The following GLIPR2 variants were observed in gnomAD, a reference collection of about 807,000 sequenced individuals.
GLIPR2 encodes the protein Golgi-associated plant pathogenesis-related protein 1.
GLIPR2 carries 21 observed loss-of-function variants against 20.4 expected under a neutral mutation model. The ratio of observed to expected loss-of-function variants is 1.03; its 90% CI spans 0.73 to 1.48. The LOEUF (loss-of-function observed/expected upper bound fraction) is 1.48. Among genes scored for constraint, GLIPR2 ranks in the 40% most tolerant of loss-of-function variants. The probability of loss-of-function intolerance (pLI) is 0.00; values close to 1 mark genes in which losing one functional copy is unlikely to be tolerated. For missense variants in GLIPR2, 205 were observed against 200.1 expected (o/e 1.02, Z -0.15); for synonymous variants, 91 against 80.5 (o/e 1.13, Z -0.70).
chr9:36,162,434 C>A lies in GLIPR2; in HGVS notation c.377C>A (p.Ser126Tyr), dbSNP rs1469179381. The change falls in exon 5 of 5, where the codon TCC (serine) becomes TAC (tyrosine). Residue 126 changes from serine to tyrosine, a missense_variant. Coordinates refer to ENST00000377960, the MANE Select transcript of GLIPR2 (RefSeq NM_022343.4). ...GGGAAGGCGTCCGCAAGTGACGGGT[C>A]CTCCTTTGTGGTGGCCAGATACTTC... ...GVGKASASDG[S>Y]SFVVARYFPA... is the part of the protein sequence containing the mutation. 2 of 1,614,074 alleles carry A rather than the reference C, an allele frequency of 1.2e-6. No individual in the cohort carries two copies. The highest frequency in any genetic ancestry group is 1.7e-6 in the Non-Finnish European group (2 of 1,179,978).
At chr9:36,156,406 A>T (rs1393243384) in intron 4 of GLIPR2, among the ~76,000 whole-genome samples, 2 of 142,110 alleles carry the variant, frequency 1.4e-5, no homozygotes, top group Non-Finnish European at 3.2e-5. Flanking sequence ...AAAAAAAAAA[A>T]AAAAAAGAAA....
chr9:36,161,158 G>A (rs780242491), intron 4 of GLIPR2, among the ~76,000 whole-genome samples: 53 of 152,188 alleles, frequency 3.5e-4, no homozygotes, highest in Non-Finnish European at 5.6e-4. Flanking sequence ...TGGGACCAAG[G>A]GTTTGGGAGT....
At chr9:36,147,463 G>A (rs1487348862) in intron 1 of GLIPR2, among the ~76,000 whole-genome samples, 1 of 152,248 alleles carries the variant, frequency 6.6e-6, no homozygotes, top group Non-Finnish European at 1.5e-5. Flanking sequence ...CAAGGTCTTT[G>A]AGAAACACAT....
chr9:36,147,928 C>T, intron 2 of GLIPR2, 34 bp downstream of exon 2: 1 of 954,520 alleles, frequency 1.0e-6, no homozygotes, highest in Non-Finnish European at 1.7e-6. Context: ...TAACTTGGCC[C>T]TTCATGTGCT....
chr9:36,148,964 A>G (rs1825463424), intron 3 of GLIPR2, among the ~76,000 whole-genome samples: 1 of 152,144 alleles, frequency 6.6e-6, no homozygotes, highest in African/African-American at 2.4e-5. Flanking sequence ...TTTGTACAGA[A>G]TCTCAGCCTG....
At chr9:36,150,664 C>T (rs542160852) in intron 3 of GLIPR2, among the ~76,000 whole-genome samples, 10 of 152,274 alleles carry the variant, frequency 6.6e-5, no homozygotes, top group African/African-American at 2.4e-4. Flanking sequence ...TCCCAGCCCC[C>T]CAGAAGGCCC....
At chr9:36,146,232 G>A (rs940469258) in intron 1 of GLIPR2, 2 of 152,276 alleles carry the variant, frequency 1.3e-5, no homozygotes, top group African/African-American at 4.8e-5. Context: ...ACTCAAGACG[G>A]GGAGAAGATC....
chr9:36,151,140 C>A, intron 4 of GLIPR2, 191 bp downstream of exon 4: 1 of 597,214 alleles, frequency 1.7e-6, no homozygotes, highest in Non-Finnish European at 3.0e-6. Context: ...CCAGCTTCCC[C>A]ATGCTACATG....
intron 1 of GLIPR2, among the ~76,000 whole-genome samples, chr9:36,140,244 C>T (rs1825014503): frequency 6.6e-6 from 1 of 152,176 alleles, no homozygotes; most frequent in Admixed American, 6.5e-5. Flanking sequence ...ATTAGTGTCC[C>T]TCCATCCACC....
intron 4 of GLIPR2, among the ~76,000 whole-genome samples, chr9:36,152,084 A>G (rs1012899794): frequency 1.3e-5 from 2 of 152,116 alleles, no homozygotes; most frequent in Admixed American, 6.5e-5. Flanking sequence ...TTCTGCAACC[A>G]TGTTGCATTG....
Position 36,136,949 on chromosome 9 carries a change from G to A in GLIPR2, c.13+158G>A. 1.2e-6 allele frequency: 1 copy of A among 864,758 alleles called. No homozygotes were observed. The highest frequency in any genetic ancestry group is 1.5e-6 in the Non-Finnish European group (1 of 653,828). 53.6% of individuals were successfully genotyped at this position (864,758 alleles called of 1,614,324 possible). ...GCGGAGCGCCCCGGCGCGGTTTCCG[G>A]GGAACCCGGGGGGAAGGCGAGCCCG... is the stretch of plus-strand genomic sequence containing the variant. On this transcript the variant is annotated intron_variant, in intron 1 of 4. Transcript: ENST00000377960. The surrounding 1 kb of genome is among the most constrained non-coding windows in gnomAD (Gnocchi z 4.3).
At chr9:36,150,826 G>A (rs1330038346) in intron 3 of GLIPR2, 46 bp from the exon 4 acceptor site, 3 of 1,401,480 alleles carry the variant, frequency 2.1e-6, no homozygotes, top group Non-Finnish European at 3.0e-6. Flanking sequence ...ATAGGGAGTG[G>A]GTGGATTTTG....
intron 1 of GLIPR2, chr9:36,145,014 GCAGAGTAGAAGAAAGGCAC>G (rs1825262987): frequency 6.6e-6 from 1 of 152,410 alleles, no homozygotes; most frequent in African/African-American, 2.4e-5. Context: ...GTGAAAGGCA[GCAGAGTAGAAGAAAGGCAC>G]CAGTGAAGGT....
Position 36,150,943 on chromosome 9 carries a change from G to A in GLIPR2, c.298G>A (p.Gly100Arg). The A allele has an allele frequency of 6.2e-7, 1 of 1,612,696 alleles. No homozygotes were observed. The highest frequency in any genetic ancestry group is 2.2e-5 in the East Asian group (1 of 44,864). The change falls in exon 4 of 5, where the codon GGG becomes AGG. Residue 100 changes from glycine to arginine, a missense_variant. Coordinates refer to ENST00000377960, the MANE Select transcript of GLIPR2 (RefSeq NM_022343.4). ...YNFQQPGFTS[G>R]TGHFTAMVWK... ...CTTCCAGCAGCCTGGCTTCACCTCGGGGACTGGTGAGTGGCAGGGTCTCAC... is the reference window on the plus strand; with the variant it reads ...CTTCCAGCAGCCTGGCTTCACCTCGAGGACTGGTGAGTGGCAGGGTCTCAC...
chr9:36,143,754 G>T (rs984418232), intron 1 of GLIPR2, among the ~76,000 whole-genome samples: 6 of 152,104 alleles, frequency 3.9e-5, no homozygotes, highest in African/African-American at 9.7e-5. Context: ...CTCCAAGAGG[G>T]ACTCACCTGC....
Position 36,152,991 on chromosome 9 carries a change from G to A in GLIPR2, c.304+2042G>A, listed in dbSNP as rs192827652. On this transcript the variant is annotated intron_variant, in intron 4 of 4. Coordinates refer to ENST00000377960, the MANE Select transcript of GLIPR2 (RefSeq NM_022343.4). ...AAAAAAAAAAAAAAAAGCCAGGTGT[G>A]GTGACAGGTGTCTGTAATCCCAGCT... is the stretch of plus-strand genomic sequence containing the variant. 2.9e-4 allele frequency among the ~76,000 whole-genome samples: 42 copies of A among 145,456 alleles called. 1 individual carries two copies. In the East Asian group the frequency reaches 4.4e-3, roughly 15 times the overall value.
At chr9:36,148,704 GTCC>G (rs1825447979) in intron 3 of GLIPR2, 54 bp downstream of exon 3, 5 of 1,265,862 alleles carry the variant, frequency 3.9e-6, no homozygotes, top group South Asian at 1.2e-5. Flanking sequence ...AGAAGGACAA[GTCC>G]TCCTGAAATG....
rs1473933767 is a variant in GLIPR2 at position 36,147,779 on chromosome 9, A to G, written c.14-7A>G. 1.5e-6 allele frequency: 2 copies of G among 1,321,896 alleles called. No individual in the cohort carries two copies. The highest frequency in any genetic ancestry group is 2.2e-6 in the Non-Finnish European group (2 of 913,194). 81.9% of individuals were successfully genotyped at this position (1,321,896 alleles called of 1,614,324 possible). On this transcript the variant is annotated splice_region_variant and splice_polypyrimidine_tract_variant and intron_variant, in intron 1 of 4. Transcript: ENST00000377960. ...CTGAGCCATTCTCCATTTTGCAATC[A>G]TTCCAGCTTCCAAACAGTTTCATAA...
chr9:36,139,326 C>A (rs1824969151), intron 1 of GLIPR2, among the ~76,000 whole-genome samples: 1 of 152,112 alleles, frequency 6.6e-6, no homozygotes, highest in Non-Finnish European at 1.5e-5. Context: ...CACACACACA[C>A]CCAGGGACCT....
Sources: allele counts gnomAD v4.1 joint callset (sites outside exome capture counted in the v4.1 genomes callset), GRCh38; gene constraint gnomAD v4.1.1; non-coding constraint Gnocchi (gnomAD v3.1); transcripts MANE v1.5; gene names NCBI Gene and HGNC (gene_info 2026-07-23, HGNC 2026-07-21).